The following RELN variants were observed in gnomAD, a reference collection of about 807,000 sequenced individuals.
The protein encoded by RELN is reelin.
A neutral mutation model predicts 427.6 loss-of-function variants in RELN; 108 were observed. The ratio of observed to expected loss-of-function variants is 0.25; its 90% CI spans 0.22 to 0.30. The LOEUF (loss-of-function observed/expected upper bound fraction) is 0.30. RELN is among the 10% of genes least tolerant of loss of function. The probability of loss-of-function intolerance (pLI) is 1.00; values close to 1 mark genes in which losing one functional copy is unlikely to be tolerated. For missense variants in RELN, 3,715 were observed against 4,302.8 expected (o/e 0.86, Z 3.82); for synonymous variants, 1,524 against 1,513.4 (o/e 1.01, Z -0.16).
intron 31 of RELN, 94 bp downstream of exon 31, chr7:103,572,090 G>C: frequency 1.3e-6 from 1 of 758,172 alleles, no homozygotes; most frequent in Admixed American, 1.8e-5. Context: ...TCAGGGTAAT[G>C]TATCAGTTTT....
At chr7:103,949,022 CAA>C (rs66678362) in intron 1 of RELN, among the ~76,000 whole-genome samples, 226 of 88,782 alleles carry the variant, frequency 2.5e-3, no homozygotes, top group Admixed American at 0.012. Context: ...ACATTGTCTC[CAA>C]AAAAAAAAAA....
At chr7:103,799,685 G>T (rs1792396006) in intron 3 of RELN, among the ~76,000 whole-genome samples, 1 of 152,074 alleles carries the variant, frequency 6.6e-6, no homozygotes, top group Non-Finnish European at 1.5e-5. Context: ...TATTCCAGCT[G>T]CTCACTGTAA....
chr7:103,576,983 C>T (rs1337914105), intron 28 of RELN, among the ~76,000 whole-genome samples: 1 of 152,184 alleles, frequency 6.6e-6, no homozygotes, highest in Admixed American at 6.5e-5. Context: ...TGTACACACA[C>T]TCCTATAATT....
intron 22 of RELN, among the ~76,000 whole-genome samples, chr7:103,607,844 C>T (rs362639): frequency 0.23 from 34,923 of 152,032 alleles, 5,036 homozygotes; most frequent in South Asian, 0.37. Flanking sequence ...ATGAAGTCAG[C>T]GACTGATAGC....
At chr7:103,542,647 C>T (rs573641231) in intron 43 of RELN, 84 bp downstream of exon 43, 116 of 1,467,132 alleles carry the variant, frequency 7.9e-5, no homozygotes, top group Admixed American at 1.2e-4. Context: ...TCCTTGAAAT[C>T]GCTCTGCTTC....
rs1563084874 is a variant in RELN at position 103,909,729 on chromosome 7, TTTTTAATATATATAA to T, written c.337+7331_337+7345del. 2.6e-3 allele frequency among the ~76,000 whole-genome samples: 13 copies of T among 5,032 alleles called. 1 individual carries two copies. The highest frequency in any genetic ancestry group is 0.012 in the Admixed American group (5 of 428). The allele number at this position is 5,032 out of a possible 152,430, so 3.3% of individuals were successfully genotyped here. ...ATATATAAATATATATTAAATATAT[TTTTTAATATATATAA>T]ATATATATATTAAATATATATATTT... On this transcript the variant is annotated intron_variant, in intron 2 of 64. Coordinates refer to ENST00000428762, the MANE Select transcript of RELN (RefSeq NM_005045.4).
chr7:103,827,763 G>T (rs1793178520), intron 3 of RELN, among the ~76,000 whole-genome samples: 1 of 151,830 alleles, frequency 6.6e-6, no homozygotes, highest in African/African-American at 2.4e-5. Context: ...CACTGACATT[G>T]TCTCAAGTTG....
rs140700852 is a variant in RELN at position 103,965,364 on chromosome 7, G to A, written c.226+23767C>T. Among the ~76,000 whole-genome samples, 101 of 152,288 alleles carry A rather than the reference G, an allele frequency of 6.6e-4. 2 individuals are homozygous for A. In the East Asian group the frequency reaches 0.015, roughly 23 times the overall value. ...CAACCAATGAAGTGCCTTTGTCCACGAGAAGAAAATGGTTGCCCCAAGCAA... is the reference window on the plus strand; with the variant it reads ...CAACCAATGAAGTGCCTTTGTCCACAAGAAGAAAATGGTTGCCCCAAGCAA... On this transcript the variant is annotated intron_variant, in intron 1 of 64. Coordinates refer to ENST00000428762, the MANE Select transcript of RELN (RefSeq NM_005045.4).
At chr7:103,841,567 G>A (rs1465432631) in intron 2 of RELN, among the ~76,000 whole-genome samples, 1 of 152,024 alleles carries the variant, frequency 6.6e-6, no homozygotes, top group Non-Finnish European at 1.5e-5. Context: ...CATTTTCCTT[G>A]ACAAGTCCTC....
chr7:103,943,973 G>A (rs908839129), intron 1 of RELN, among the ~76,000 whole-genome samples: 1 of 151,792 alleles, frequency 6.6e-6, no homozygotes, highest in African/African-American at 2.4e-5. Context: ...TGGTCAGACT[G>A]GTTTAATGCT....
intron 2 of RELN, among the ~76,000 whole-genome samples, chr7:103,855,822 T>C (rs1289991608): frequency 6.6e-6 from 1 of 152,154 alleles, no homozygotes; most frequent in Non-Finnish European, 1.5e-5. Context: ...CTGTATCCAA[T>C]ATGACATCAA....
At chr7:103,483,883 A>C in intron 61 of RELN, 33 bp from the exon 62 acceptor site, 1 of 1,593,292 alleles carries the variant, frequency 6.3e-7, no homozygotes, top group South Asian at 1.1e-5. Flanking sequence ...CTTTATTTTT[A>C]TTTATTTATT....
intron 6 of RELN, 78 bp from the exon 7 acceptor site, chr7:103,728,285 T>A: frequency 7.7e-7 from 1 of 1,302,162 alleles, no homozygotes; most frequent in Non-Finnish European, 1.1e-6. Flanking sequence ...AGAAACGATA[T>A]AATATTTATT....
In RELN at chr7:103,593,758, A is replaced by T; in HGVS notation, c.3836T>A (p.Phe1279Tyr). The change falls in exon 27 of 65, where the codon TTT becomes TAT. Residue 1279 changes from phenylalanine to tyrosine, a missense_variant. By Grantham distance (22) the Phe-to-Tyr change is conservative. Coordinates refer to ENST00000428762, the MANE Select transcript of RELN (RefSeq NM_005045.4). ...AAATCGATCTCCATCTGATTTTCCA[A>T]ATATCATTGCTGATGGTGTGGCAGC... is the stretch of plus-strand genomic sequence containing the variant. ...FCAATPSAMI[F>Y]GKSDGDRFAV... The T allele has an allele frequency of 6.2e-7, 1 of 1,614,062 alleles. No homozygotes were observed. The highest frequency in any genetic ancestry group is 1.3e-5 in the African/African-American group (1 of 75,052).
At chr7:103,535,958 T>C (rs1217699732) in intron 45 of RELN, among the ~76,000 whole-genome samples, 1 of 152,000 alleles carries the variant, frequency 6.6e-6, no homozygotes, top group African/African-American at 2.4e-5. Context: ...GTTTATTTAA[T>C]GGTTAACATA....
At chr7:103,541,003 C>CA (rs1392543194) in intron 43 of RELN, among the ~76,000 whole-genome samples, 2 of 152,154 alleles carry the variant, frequency 1.3e-5, no homozygotes, top group Non-Finnish European at 1.5e-5. Flanking sequence ...TGTGAAAGGC[C>CA]AGGCATCTTT....
At chr7:103,662,154 G>A (rs1216765101) in intron 11 of RELN, among the ~76,000 whole-genome samples, 2 of 152,132 alleles carry the variant, frequency 1.3e-5, no homozygotes, top group Admixed American at 6.5e-5. Context: ...GACCCTATGA[G>A]GTAGTCACCA....
At chr7:103,843,933 A>T (rs1793615818) in intron 2 of RELN, among the ~76,000 whole-genome samples, 1 of 152,136 alleles carries the variant, frequency 6.6e-6, no homozygotes. Context: ...TAACAGCTGC[A>T]TGGTGGTAGA....
rs1448035430 is a variant in RELN, at chr7:103,563,735, A to C, written c.5210+1543T>G. Among the ~76,000 whole-genome samples the C allele has an allele frequency of 6.6e-6, 1 of 152,200 alleles. No homozygotes were observed. Among genetic ancestry groups the C allele is most frequent in the Non-Finnish European group, 1.5e-5 (1 of 68,040 alleles). On this transcript the variant is annotated intron_variant, in intron 34 of 64. Coordinates refer to ENST00000428762, the MANE Select transcript of RELN (RefSeq NM_005045.4). This position sits in a 1 kb window ranked among gnomAD's most constrained non-coding sequence, Gnocchi z 4.1. ...AGTCCTGTAAGCTCTGTTTATCGGA[A>C]GTGCCCTATACAAGTGTACCATTTA...
Sources: gnomAD v4.1 joint callset for allele counts (sites outside exome capture counted in the v4.1 genomes callset) on GRCh38, gnomAD v4.1.1 for gene constraint, Gnocchi (gnomAD v3.1) non-coding constraint, MANE v1.5 for transcripts, NCBI Gene and HGNC (gene_info 2026-07-23, HGNC 2026-07-21) for gene names.